The following PCDHGA2 variants were observed in gnomAD, a reference collection of about 807,000 sequenced individuals.
PCDHGA2 encodes protocadherin gamma subfamily A, 2.
A neutral mutation model predicts 59.2 loss-of-function variants in PCDHGA2; 40 were observed. The ratio of observed to expected loss-of-function variants is 0.68; its 90% confidence interval spans 0.52 to 0.88. The LOEUF (loss-of-function observed/expected upper bound fraction) is 0.88. PCDHGA2 is among the 40% of genes least tolerant of loss of function. The pLI is 0.00. For missense variants in PCDHGA2, 1,226 were observed against 1,204.0 expected, an observed-to-expected ratio of 1.02 and a Z score of -0.27; for synonymous variants, 560 against 526.0, an observed-to-expected ratio of 1.06 and a Z score of -0.89.
intron 1 of PCDHGA2, chr5:141,414,397 T>C: frequency 6.2e-7 from 1 of 1,613,920 alleles, no homozygotes; most frequent in Middle Eastern, 1.6e-4. Context: ...TTATTACAGA[T>C]TGGTGATACA....
chr5:141,371,009 G>A, intron 1 of PCDHGA2: 1 of 1,614,004 alleles, frequency 6.2e-7, no homozygotes, highest in East Asian at 2.2e-5. Context: ...GGGAAGAGCA[G>A]CCACATCACC....
At chr5:141,459,075 G>T (rs562572838) in intron 1 of PCDHGA2, among the ~76,000 whole-genome samples, 1 of 152,134 alleles carries the variant, frequency 6.6e-6, no homozygotes, top group Non-Finnish European at 1.5e-5. Context: ...CATAAAATTT[G>T]CCTTTTAAAA....
intron 1 of PCDHGA2, chr5:141,441,792 G>T: frequency 2.6e-6 from 1 of 389,292 alleles, no homozygotes; most frequent in Non-Finnish European, 5.1e-6. Context: ...GAATGACAAC[G>T]CACCGCGGGT....
chr5:141,387,704 GC>G (rs1273015763), intron 1 of PCDHGA2: 1 of 969,516 alleles, frequency 1.0e-6, no homozygotes, highest in African/African-American at 1.6e-5. Flanking sequence ...TTCCAGGGCA[GC>G]CCCAGCTCAG....
At position 141,486,460 on chromosome 5, in the gene PCDHGA2, T is replaced by A. The variant is rs1218788640; in HGVS notation, c.2425-8347T>A. 6.2e-7 allele frequency: 1 copy of A among 1,614,146 alleles called. No individual in the cohort carries two copies. Among genetic ancestry groups the A allele is most frequent in the South Asian group, 1.1e-5 (1 of 91,082 alleles). On this transcript the variant is annotated intron_variant, in intron 1 of 3. Coordinates refer to ENST00000394576, the MANE Select transcript of PCDHGA2 (RefSeq NM_018915.4). The surrounding 1 kb of genome is among the most constrained non-coding windows in gnomAD (Gnocchi z 5.0). Reference sequence around the variant, plus strand: ...ATGACATCATGGTCACTGCTTCTGATGCTGGGAACCCTCCTCTCAGTACCC... The same window carrying A: ...ATGACATCATGGTCACTGCTTCTGAAGCTGGGAACCCTCCTCTCAGTACCC...
chr5:141,362,286 C>G (rs747463615), intron 1 of PCDHGA2: 2 of 1,614,082 alleles, frequency 1.2e-6, no homozygotes, highest in Non-Finnish European at 1.7e-6. Context: ...GCCTGCGACT[C>G]TCTTCCAGGT....
In PCDHGA2 at chr5:141,476,990, C is replaced by A; in HGVS notation, c.2425-17817C>A. On this transcript the variant is annotated intron_variant, in intron 1 of 3. Coordinates refer to ENST00000394576, the MANE Select transcript of PCDHGA2 (RefSeq NM_018915.4). The surrounding 1 kb of genome is among the most constrained non-coding windows in gnomAD (Gnocchi z 7.6). Reference sequence around the variant, plus strand: ...CGGCAGCCACAACCGCGCCGGCGTGCGGCAACTATTCGCCTTAGACCTTGT... The same window carrying A: ...CGGCAGCCACAACCGCGCCGGCGTGAGGCAACTATTCGCCTTAGACCTTGT... The A allele has an allele frequency of 6.2e-7, 1 of 1,614,220 alleles. No individual in the cohort carries two copies. Among genetic ancestry groups the A allele is most frequent in the South Asian group, 1.1e-5 (1 of 91,090 alleles).
intron 1 of PCDHGA2, chr5:141,408,518 T>A (rs1330187050): frequency 6.2e-7 from 1 of 1,614,010 alleles, no homozygotes; most frequent in African/African-American, 1.3e-5. Flanking sequence ...TGAGTTGCAA[T>A]TGGAAGCTGT....
At chr5:141,416,698 A>G (rs2096053724) in intron 1 of PCDHGA2, 1 of 152,250 alleles carries the variant, frequency 6.6e-6, no homozygotes, top group Non-Finnish European at 1.5e-5. Context: ...TAAACAAAGG[A>G]TCATTGGAGG....
In PCDHGA2 at chr5:141,481,831, G is replaced by A. The variant is rs35816779; in HGVS notation, c.2425-12976G>A. On this transcript the variant is annotated intron_variant, in intron 1 of 3. Coordinates refer to ENST00000394576, the MANE Select transcript of PCDHGA2 (RefSeq NM_018915.4). ...ACCAGGCGTGGTGGCTGAGGCAGGAGAATCGCTTGATGGTGGAGGTTGCAG... is the reference window on the plus strand; with the variant it reads ...ACCAGGCGTGGTGGCTGAGGCAGGAAAATCGCTTGATGGTGGAGGTTGCAG... Among the ~76,000 whole-genome samples the A allele has an allele frequency of 1.9e-3, 280 of 149,560 alleles. 1 individual carries two copies. The highest frequency in any genetic ancestry group is 0.01 in the Middle Eastern group (3 of 290).
At chr5:141,366,059 C>A (rs772139031) in intron 1 of PCDHGA2, 2 of 1,614,268 alleles carry the variant, frequency 1.2e-6, no homozygotes, top group Admixed American at 1.7e-5. Flanking sequence ...GGGCGTGGAG[C>A]TGGCGCCTCG....
At chr5:141,456,119 C>G (rs902179639) in intron 1 of PCDHGA2, among the ~76,000 whole-genome samples, 3 of 151,826 alleles carry the variant, frequency 2.0e-5, no homozygotes, top group Non-Finnish European at 4.4e-5. Flanking sequence ...GGATGGTCTC[C>G]ATCTCCTGAC....
At chr5:141,423,563 C>G (rs745802952) in intron 1 of PCDHGA2, 3 of 1,613,550 alleles carry the variant, frequency 1.9e-6, no homozygotes, top group Admixed American at 1.7e-5. Flanking sequence ...TATGGGGACA[C>G]GCTCATCAGC....
chr5:141,421,933 G>A (rs1310432014), intron 1 of PCDHGA2: 1 of 1,613,446 alleles, frequency 6.2e-7, no homozygotes, highest in Non-Finnish European at 8.5e-7. Flanking sequence ...GGTCCTCGAT[G>A]TAAATGATCA....
chr5:141,361,147 C>T, intron 1 of PCDHGA2: 2 of 1,613,956 alleles, frequency 1.2e-6, no homozygotes, highest in Non-Finnish European at 8.5e-7. Flanking sequence ...AGTTGAAATT[C>T]TTGATGACAA....
rs979750945 is a variant in PCDHGA2 at position 141,478,807 on chromosome 5, A to G, written c.2425-16000A>G. The G allele has an allele frequency of 3.4e-6, 5 of 1,459,258 alleles. No homozygotes were observed. The African/African-American group carries it at 5.7e-5, about 17-fold the overall frequency. 90.4% of individuals were successfully genotyped at this position (1,459,258 alleles called of 1,614,324 possible). On this transcript the variant is annotated intron_variant, in intron 1 of 3. Transcript: ENST00000394576. The stretch of plus-strand genomic sequence containing the variant: ...TTCACATCCTCAGCACTCTTTTGCT[A>G]TCACAACTAACCAATCTTGCTAAGG...
chr5:141,372,646 C>G (rs1768939732), intron 1 of PCDHGA2: 1 of 1,614,008 alleles, frequency 6.2e-7, no homozygotes, highest in Non-Finnish European at 8.5e-7. Context: ...TTGCCTTATT[C>G]CTACAATCCG....
At chr5:141,454,092 T>C (rs552760379) in intron 1 of PCDHGA2, among the ~76,000 whole-genome samples, 2 of 152,316 alleles carry the variant, frequency 1.3e-5, no homozygotes, top group East Asian at 3.9e-4. Flanking sequence ...GAAATTTGAA[T>C]TGAACATAAA....
chr5:141,446,423 T>C (rs745968692), intron 1 of PCDHGA2, among the ~76,000 whole-genome samples: 1 of 152,152 alleles, frequency 6.6e-6, no homozygotes, highest in Non-Finnish European at 1.5e-5. Context: ...CATGTTCATT[T>C]GAAGGATCTG....
Sources: allele counts gnomAD v4.1 joint callset (sites outside exome capture counted in the v4.1 genomes callset), GRCh38; gene constraint gnomAD v4.1.1; non-coding constraint Gnocchi (gnomAD v3.1); transcripts MANE v1.5; gene names NCBI Gene and HGNC (gene_info 2026-07-23, HGNC 2026-07-21).